The following CD2 variants were observed in gnomAD, a reference collection of about 807,000 sequenced individuals.
CD2 encodes the protein CD2 molecule, also known as T-cell surface antigen CD2.
In CD2, 18 loss-of-function variants were observed where a neutral mutation model predicts 23.2. The observed-to-expected ratio is 0.77, with a 90% CI of 0.54 to 1.15. CD2 has a LOEUF of 1.15. CD2 is among the 50% of genes most tolerant of loss of function. The pLI is 0.00. For missense variants in CD2, 424 were observed against 423.1 expected (o/e 1.00, Z -0.02); for synonymous variants, 162 against 151.9 (o/e 1.07, Z -0.49).
chr1:116,759,982 T>C (rs1216700360), intron 2 of CD2, among the ~76,000 whole-genome samples: 1 of 152,160 alleles, frequency 6.6e-6, no homozygotes, highest in Non-Finnish European at 1.5e-5. Flanking sequence ...TGGAGGCACT[T>C]TCTTACCCAT....
At chr1:116,761,126 T>G (rs1320716698) in intron 3 of CD2, among the ~76,000 whole-genome samples, 6 of 152,082 alleles carry the variant, frequency 3.9e-5, no homozygotes, top group Non-Finnish European at 7.4e-5. Flanking sequence ...CAAAGAGGAC[T>G]GTGGACAGCA....
chr1:116,765,927 G>A (rs1375492018), intron 4 of CD2, among the ~76,000 whole-genome samples: 2 of 152,258 alleles, frequency 1.3e-5, no homozygotes, highest in South Asian at 2.1e-4. Flanking sequence ...GTGATCTTAG[G>A]AGATAGATAA....
In CD2 at chr1:116,754,918, G is replaced by A. The variant is rs1378688942; in HGVS notation, c.349G>A (p.Val117Met). ...VSIYDTKGKN[V>M]LEKIFDLKIQ... ...AATATATGATACAAAAGGAAAAAATGTGTTGGAAAAAATATTTGATTTGAA... is the reference window on the plus strand; with the variant it reads ...AATATATGATACAAAAGGAAAAAATATGTTGGAAAAAATATTTGATTTGAA... The change falls in exon 2 of 5, where the codon GTG becomes ATG. Residue 117 changes from valine (V) to methionine (M), a missense_variant. Coordinates refer to ENST00000369478, the MANE Select transcript of CD2 (RefSeq NM_001767.5). 6.3e-7 allele frequency: 1 copy of A among 1,597,556 alleles called. No individual in the cohort carries two copies. The highest frequency in any genetic ancestry group is 1.8e-5 in the Admixed American group (1 of 56,406).
chr1:116,764,338 C>A, intron 3 of CD2, 146 bp from the exon 4 acceptor site: 1 of 1,301,894 alleles, frequency 7.7e-7, no homozygotes, highest in Admixed American at 2.9e-5. Flanking sequence ...CACCACTCAC[C>A]ACCCTCTGTG....
intron 2 of CD2, among the ~76,000 whole-genome samples, chr1:116,759,289 T>C (rs564218371): frequency 6.6e-6 from 1 of 152,264 alleles, no homozygotes; most frequent in Admixed American, 6.5e-5. Flanking sequence ...GACTATGGTG[T>C]TCCATGGGGA....
chr1:116,755,053 A>T, intron 2 of CD2, 102 bp downstream of exon 2: 3 of 787,534 alleles, frequency 3.8e-6, no homozygotes, highest in Non-Finnish European at 4.1e-6. Flanking sequence ...CTCTGCCTCC[A>T]GGGGGGCTAT....
chr1:116,767,452 G>T lies in CD2; in HGVS notation c.737-1012G>T, dbSNP rs1024386501. ...ACTAAAAATACAATATTAGCCGGGC[G>T]TGGTGGTGAACGCCTGTAATCCCAG... is the stretch of plus-strand genomic sequence containing the variant. On this transcript the variant is annotated intron_variant, in intron 4 of 4. Coordinates refer to ENST00000369478, the MANE Select transcript of CD2 (RefSeq NM_001767.5). Among the ~76,000 whole-genome samples, 5 of 152,034 alleles carry T rather than the reference G, an allele frequency of 3.3e-5. No homozygotes were observed. In the East Asian group the frequency reaches 9.6e-4, roughly 29 times the overall value.
intron 4 of CD2, among the ~76,000 whole-genome samples, chr1:116,767,394 C>T (rs1652247479): frequency 6.6e-6 from 1 of 151,960 alleles, no homozygotes; most frequent in South Asian, 2.1e-4. Flanking sequence ...GAGTTCGAGA[C>T]CAGCCTGACC....
rs556911234 is a variant in CD2, at chr1:116,765,264, G to T, written c.736+658G>T. Among the ~76,000 whole-genome samples, 366 of 152,264 alleles carry T rather than the reference G, an allele frequency of 2.4e-3. 1 individual carries two copies. The highest frequency in any genetic ancestry group is 8.4e-3 in the African/African-American group (349 of 41,538). ...AGAATGGCCAACCCGGGGTCACTGT[G>T]GGGGGCACAGATGAGGGTGTCAGCC... On this transcript the variant is annotated intron_variant, in intron 4 of 4. Coordinates refer to ENST00000369478, the MANE Select transcript of CD2 (RefSeq NM_001767.5).
chr1:116,755,716 C>T (rs1022069172), intron 2 of CD2, among the ~76,000 whole-genome samples: 1 of 151,970 alleles, frequency 6.6e-6, no homozygotes, highest in African/African-American at 2.4e-5. Context: ...CAAAGTCAAT[C>T]GCCACTGGCC....
At chr1:116,757,153 C>T (rs182596849) in intron 2 of CD2, among the ~76,000 whole-genome samples, 73 of 152,108 alleles carry the variant, frequency 4.8e-4, no homozygotes, top group African/African-American at 1.7e-3. Context: ...TGTACCACCA[C>T]GTCCGGCTAA....
chr1:116,765,343 G>A (rs79802966), intron 4 of CD2, among the ~76,000 whole-genome samples: 1,720 of 152,258 alleles, frequency 0.011, 27 homozygotes, highest in East Asian at 0.035. Context: ...TGCAATTCAC[G>A]TTCACAGCAG....
At chr1:116,756,017 A>G (rs1487284096) in intron 2 of CD2, among the ~76,000 whole-genome samples, 3 of 152,108 alleles carry the variant, frequency 2.0e-5, no homozygotes, top group Non-Finnish European at 4.4e-5. Flanking sequence ...CAGGGACCCC[A>G]CCTTCTTCCT....
In CD2 at chr1:116,768,924, A is replaced by G. The variant is rs1246562293; in HGVS notation, c.*141A>G. On this transcript the variant is annotated 3_prime_UTR_variant, in exon 5 of 5. Transcript: ENST00000369478. ...GGCTGTGGGCCACAGCCACCTCTGC[A>G]TCTTCGAACTCAGCCATGTGGTCAA... 6.3e-6 allele frequency: 5 copies of G among 789,780 alleles called. No individual in the cohort carries two copies. The highest frequency in any genetic ancestry group is 2.9e-5 in the Admixed American group (1 of 34,580). 48.9% of individuals were successfully genotyped at this position (789,780 alleles called of 1,614,324 possible). A position where few individuals can be genotyped will look rare whatever the true frequency, so the allele number is the denominator to read the frequency against.
chr1:116,760,696 G>C, intron 3 of CD2, 64 bp downstream of exon 3: 2 of 1,280,234 alleles, frequency 1.6e-6, no homozygotes, highest in Non-Finnish European at 2.3e-6. Context: ...GAGGCATGCT[G>C]CTCCAGGTCA....
intron 4 of CD2, among the ~76,000 whole-genome samples, chr1:116,765,071 G>A (rs1349176406): frequency 1.3e-5 from 2 of 152,182 alleles, no homozygotes; most frequent in Admixed American, 1.3e-4. Flanking sequence ...TCTAAAGCAG[G>A]GTGCCTGTGC....
intron 3 of CD2, among the ~76,000 whole-genome samples, chr1:116,761,666 G>A (rs1305375123): frequency 6.6e-6 from 1 of 152,086 alleles, no homozygotes; most frequent in East Asian, 1.9e-4. Flanking sequence ...CAATCAGAGG[G>A]GATTGCACAT....
In CD2 at chr1:116,767,344, AGCACTTTGGGAG is replaced by A. The variant is rs111371117; in HGVS notation, c.737-1117_737-1106del. 7.9e-3 allele frequency among the ~76,000 whole-genome samples: 1,200 copies of A among 152,290 alleles called. 17 individuals carry two copies. The highest frequency in any genetic ancestry group is 0.027 in the African/African-American group (1,123 of 41,558). The stretch of plus-strand genomic sequence containing the variant: ...TGCGGTGGCTCATACCTGTAATCCC[AGCACTTTGGGAG>A]GCCAAGGCAGGCAGATCACCTGGTC... On this transcript the variant is annotated intron_variant, in intron 4 of 4. Transcript: ENST00000369478.
At chr1:116,758,853 G>C (rs1031626850) in intron 2 of CD2, among the ~76,000 whole-genome samples, 7 of 152,164 alleles carry the variant, frequency 4.6e-5, no homozygotes, top group Non-Finnish European at 7.4e-5. Flanking sequence ...AGAAAACAGA[G>C]ACCTAGTCAG....
Sources: allele counts gnomAD v4.1 joint callset (sites outside exome capture counted in the v4.1 genomes callset), GRCh38; gene constraint gnomAD v4.1.1; transcripts MANE v1.5; gene names NCBI Gene and HGNC (gene_info 2026-07-23, HGNC 2026-07-21).